Variants in ARHGAP6 observed in about 807,000 individuals in gnomAD.
The protein encoded by ARHGAP6 is Rho GTPase activating protein 6, also known as rho GTPase-activating protein 6.
A neutral mutation model predicts 55.7 loss-of-function variants in ARHGAP6; 16 were observed. The ratio of observed to expected loss-of-function variants is 0.29; its 90% CI spans 0.19 to 0.44. The LOEUF (loss-of-function observed/expected upper bound fraction) is 0.44. ARHGAP6 is among the 20% of genes least tolerant of loss of function. ARHGAP6 has a pLI of 1.00. For missense variants in ARHGAP6, 698 were observed against 808.9 expected (o/e 0.86, Z 1.66); for synonymous variants, 382 against 360.9 (o/e 1.06, Z -0.66).
chrX:11,298,322 G>T, intron 1 of ARHGAP6: 1 of 1,168,413 alleles, frequency 8.6e-7, no homozygotes, highest in African/African-American at 1.8e-5. Context: ...TATTAGGCAT[G>T]CATTAAAATT....
At chrX:11,362,336 T>C in intron 1 of ARHGAP6, among the ~76,000 whole-genome samples, 1 of 111,138 alleles carries the variant, frequency 9.0e-6, no homozygotes, top group Non-Finnish European at 1.9e-5. Flanking sequence ...TAAAAAATGA[T>C]GAGTTCATGT....
At chrX:11,357,149 G>T (rs1428598893) in intron 1 of ARHGAP6, among the ~76,000 whole-genome samples, 1 of 111,960 alleles carries the variant, frequency 8.9e-6, no homozygotes, top group African/African-American at 3.3e-5. Context: ...AATTTGAAAT[G>T]CCACGGCTTT....
At chrX:11,236,870 C>A (rs1569268130) in intron 2 of ARHGAP6, among the ~76,000 whole-genome samples, 1 of 112,220 alleles carries the variant, frequency 8.9e-6, no homozygotes, top group African/African-American at 3.2e-5. Flanking sequence ...AACCCAGATG[C>A]CTATGAGGAG....
chrX:11,316,950 C>T (rs2048366208), intron 1 of ARHGAP6, among the ~76,000 whole-genome samples: 1 of 112,463 alleles, frequency 8.9e-6, no homozygotes, highest in Admixed American at 9.4e-5. Flanking sequence ...TTGCTAATAA[C>T]AAAATAGTAC....
chrX:11,550,603 T>C lies in ARHGAP6; in HGVS notation c.588+113638A>G, dbSNP rs767123438. Among the ~76,000 whole-genome samples, 94 of 111,795 alleles carry C rather than the reference T, an allele frequency of 8.4e-4. 1 individual carries two copies. Among genetic ancestry groups the C allele is most frequent in the Non-Finnish European group, 1.7e-3 (88 of 53,149 alleles). On this transcript the variant is annotated intron_variant, in intron 1 of 12. Coordinates refer to ENST00000337414, the MANE Select transcript of ARHGAP6 (RefSeq NM_013427.3). ...TGTTTGGAGCTCTAGTAGGTAGGTA[T>C]GTGAAGGTAAGATGTCAGTCTGAAG...
intron 1 of ARHGAP6, among the ~76,000 whole-genome samples, chrX:11,443,398 T>C (rs994383410): frequency 8.9e-6 from 1 of 112,111 alleles, no homozygotes; most frequent in Non-Finnish European, 1.9e-5. Flanking sequence ...GGCATTTCTG[T>C]TGGGCGTATA....
chrX:11,150,744 G>T (rs1166072802), intron 10 of ARHGAP6, among the ~76,000 whole-genome samples: 1 of 111,564 alleles, frequency 9.0e-6, no homozygotes, highest in Non-Finnish European at 1.9e-5. Flanking sequence ...AACCATGGTC[G>T]TGCCACTGCA....
Position 11,642,231 on chromosome X carries a change from C to T in ARHGAP6, c.588+22010G>A, listed in dbSNP as rs142192308. Among the ~76,000 whole-genome samples, 38 of 111,611 alleles carry T rather than the reference C, an allele frequency of 3.4e-4. No homozygotes were observed. In the East Asian group the frequency reaches 0.011, roughly 31 times the overall value. On this transcript the variant is annotated intron_variant, in intron 1 of 12. Coordinates refer to ENST00000337414, the MANE Select transcript of ARHGAP6 (RefSeq NM_013427.3). ...AGCTACAGATGCTGGAGACCTATTC[C>T]AACTTGGGTGCCATCACTTAAACGT...
chrX:11,458,456 G>A (rs967883891), intron 1 of ARHGAP6, among the ~76,000 whole-genome samples: 5 of 112,048 alleles, frequency 4.5e-5, no homozygotes, highest in African/African-American at 1.6e-4. Context: ...TGTCTGACTC[G>A]TCACATCCAC....
chrX:11,425,930 A>C (rs1208460621), intron 1 of ARHGAP6, among the ~76,000 whole-genome samples: 1 of 111,551 alleles, frequency 9.0e-6, no homozygotes, highest in Non-Finnish European at 1.9e-5. Flanking sequence ...GGAGATGTTG[A>C]ATGGGCACAA....
At chrX:11,461,054 T>G (rs905690525) in intron 1 of ARHGAP6, among the ~76,000 whole-genome samples, 1 of 111,942 alleles carries the variant, frequency 8.9e-6, no homozygotes, top group Non-Finnish European at 1.9e-5. Context: ...CAAACTGAGA[T>G]GCCACCATCT....
intron 1 of ARHGAP6, among the ~76,000 whole-genome samples, chrX:11,640,718 A>G (rs941805262): frequency 1.8e-5 from 2 of 111,051 alleles, no homozygotes; most frequent in Non-Finnish European, 3.8e-5. Flanking sequence ...CCCAACCTCA[A>G]ACACCCAGAA....
rs771118301 is a variant in ARHGAP6, at chrX:11,178,919, T to C, written c.1480+383A>G. ...CTATGGCATCTTGCTTCTCCTGGAATGTTGCTGCCCTCCTTTCTCACTCTG... is the reference window on the plus strand; with the variant it reads ...CTATGGCATCTTGCTTCTCCTGGAACGTTGCTGCCCTCCTTTCTCACTCTG... On this transcript the variant is annotated intron_variant, in intron 7 of 12. Coordinates refer to ENST00000337414, the MANE Select transcript of ARHGAP6 (RefSeq NM_013427.3). Among the ~76,000 whole-genome samples the C allele has an allele frequency of 6.3e-5, 7 of 111,883 alleles. No individual in the cohort carries two copies. In the South Asian group the frequency reaches 2.7e-3, roughly 43 times the overall value.
rs142636836 is a variant in ARHGAP6, at chrX:11,385,054, G to A, written c.589-130347C>T. Among the ~76,000 whole-genome samples the A allele has an allele frequency of 4.3e-3, 486 of 111,769 alleles. 4 individuals are homozygous for A. The highest frequency in any genetic ancestry group is 5.1e-3 in the Non-Finnish European group (272 of 53,147). Reference sequence around the variant, plus strand: ...ATGATTCACCAGACTACAAGAAAAGGTTGAAGCTTAGAAATTCTTACTACT... The same window carrying A: ...ATGATTCACCAGACTACAAGAAAAGATTGAAGCTTAGAAATTCTTACTACT... On this transcript the variant is annotated intron_variant, in intron 1 of 12. Transcript: ENST00000337414.
intron 1 of ARHGAP6, among the ~76,000 whole-genome samples, chrX:11,410,921 A>C (rs777812049): frequency 9.2e-5 from 10 of 108,496 alleles, no homozygotes; most frequent in Non-Finnish European, 1.7e-4. Context: ...AAGAAGTTAA[A>C]GTGGGAATAG....
intron 1 of ARHGAP6, among the ~76,000 whole-genome samples, chrX:11,354,723 G>A (rs1237073172): frequency 7.2e-5 from 8 of 111,165 alleles, no homozygotes; most frequent in Non-Finnish European, 1.3e-4. Context: ...AGCAAATACA[G>A]CTGTACATAC....
intron 1 of ARHGAP6, among the ~76,000 whole-genome samples, chrX:11,574,754 G>T (rs2051575778): frequency 1.9e-5 from 2 of 107,021 alleles, no homozygotes; most frequent in Admixed American, 1.0e-4. Context: ...GGAAATAAAG[G>T]GTATTCAATT....
At position 11,174,518 on chromosome X, in the gene ARHGAP6, TTTCCTTCC is replaced by T. The variant is rs1183794863; in HGVS notation, c.1629+3574_1629+3581del. Among the ~76,000 whole-genome samples the T allele has an allele frequency of 6.8e-3, 474 of 69,523 alleles. 5 individuals are homozygous for T. The highest frequency in any genetic ancestry group is 0.016 in the Middle Eastern group (2 of 124). The allele number at this position is 69,523 out of a possible 115,157, so 60.4% of individuals were successfully genotyped here. A position where few individuals can be genotyped will look rare whatever the true frequency, so the allele number is the denominator to read the frequency against. ...AAATCCCAAGGCCATTCTTTCTTTC[TTTCCTTCC>T]TTCCTTCCTTCCTTCCTTCCTTCCT... is the stretch of plus-strand genomic sequence containing the variant. On this transcript the variant is annotated intron_variant, in intron 8 of 12. Transcript: ENST00000337414.
At chrX:11,289,408 A>G (rs1157050915) in intron 1 of ARHGAP6, among the ~76,000 whole-genome samples, 1 of 111,693 alleles carries the variant, frequency 9.0e-6, no homozygotes, top group Non-Finnish European at 1.9e-5. Flanking sequence ...CAGATTATTT[A>G]AAAGAAATAA....
Sources: allele counts gnomAD v4.1 joint callset (sites outside exome capture counted in the v4.1 genomes callset), GRCh38; gene constraint gnomAD v4.1.1; transcripts MANE v1.5; gene names NCBI Gene and HGNC (gene_info 2026-07-23, HGNC 2026-07-21).